The following KDM2B variants were observed in gnomAD, a reference collection of about 807,000 sequenced individuals.
KDM2B encodes lysine demethylase 2B.
Under a neutral mutation model 150.0 loss-of-function variants are expected in KDM2B, and 26 were observed. The ratio of observed to expected loss-of-function variants is 0.17; its 90% CI spans 0.13 to 0.24. The LOEUF (loss-of-function observed/expected upper bound fraction) is 0.24, where lower values mean the gene tolerates loss of function less well. Among genes scored for constraint, KDM2B ranks in the 10% least tolerant of loss-of-function variants. The probability of loss-of-function intolerance (pLI) is 1.00; values close to 1 mark genes in which losing one functional copy is unlikely to be tolerated. For synonymous variants in KDM2B, 734 were observed against 729.5 expected (o/e 1.01, Z -0.10); for missense variants, 1,265 against 1,816.9 (o/e 0.70, Z 5.52).
At chr12:121,574,295 A>G in intron 4 of KDM2B, 1 of 414,544 alleles carries the variant, frequency 2.4e-6, no homozygotes, top group Non-Finnish European at 4.4e-6. Flanking sequence ...GCTGACACCC[A>G]GGCTGGAGGC....
rs199851186 is a variant in KDM2B at position 121,483,162 on chromosome 12, C to CA, written c.1734+11416dup. On this transcript the variant is annotated intron_variant, in intron 12 of 22. Transcript: ENST00000377071. The stretch of plus-strand genomic sequence containing the variant: ...TGGGCAACAGAGCAAGACCCCATCT[C>CA]AAAAAAAAAATAGTAAAACATTATT... Among the ~76,000 whole-genome samples the CA allele has an allele frequency of 3.2e-3, 476 of 148,018 alleles. 2 individuals carry two copies. Among genetic ancestry groups the CA allele is most frequent in the African/African-American group, 8.6e-3 (346 of 40,386 alleles).
chr12:121,579,955 A>G, intron 1 of KDM2B: 1 of 1,488,180 alleles, frequency 6.7e-7, no homozygotes, highest in South Asian at 1.3e-5. Flanking sequence ...AAAAAAAAAA[A>G]AAAAAGATCT....
intron 12 of KDM2B, among the ~76,000 whole-genome samples, chr12:121,462,452 A>G (rs1879240651): frequency 1.3e-5 from 2 of 152,208 alleles, no homozygotes; most frequent in African/African-American, 4.8e-5. Context: ...AAACTTTTGC[A>G]TACATTTTCA....
At chr12:121,409,354 A>G in the KDM2B span, 1 of 152,214 alleles carries the variant, frequency 6.6e-6, no homozygotes, top group Non-Finnish European at 1.5e-5. Context: ...ATCCCACAAC[A>G]GAAAAACATG....
rs1437770160 is a variant in KDM2B, at chr12:121,467,510, G to T, written c.1735-14166C>A. On this transcript the variant is annotated intron_variant, in intron 12 of 22. Transcript: ENST00000377071. This position sits in a 1 kb window ranked among gnomAD's most constrained non-coding sequence, Gnocchi z 5.1. ...CCGCGGCGCTGGGGCCGCACACAAA[G>T]GGAGCCCGGCCTGCGGTGACACGGG... The T allele has an allele frequency of 4.5e-6, 1 of 222,168 alleles. No individual in the cohort carries two copies. 13.8% of individuals were successfully genotyped at this position (222,168 alleles called of 1,614,324 possible).
intron 12 of KDM2B, among the ~76,000 whole-genome samples, chr12:121,486,776 G>C (rs1242277424): frequency 1.3e-5 from 2 of 151,838 alleles, no homozygotes; most frequent in Admixed American, 1.3e-4. Flanking sequence ...GACACAGTGA[G>C]AATCTGTCTC....
At chr12:121,579,569 G>T in intron 1 of KDM2B, 3 of 1,294,354 alleles carry the variant, frequency 2.3e-6, no homozygotes, top group Non-Finnish European at 3.0e-6. Flanking sequence ...GGGAGAGGCA[G>T]ACGGCCCGCC....
chr12:121,550,062 C>T (rs1594106069), intron 4 of KDM2B, among the ~76,000 whole-genome samples: 1 of 152,080 alleles, frequency 6.6e-6, no homozygotes, highest in African/African-American at 2.4e-5. Context: ...GTAATCCCAG[C>T]ACTTTGGGAG....
rs377128827 is a variant in KDM2B, at chr12:121,442,463, C to G, written c.2978G>C (p.Arg993Pro). Residue 993 changes from arginine to proline, a missense_variant, in exon 19 of 23, where the codon CGT becomes CCT. This residue lies in a region of KDM2B where 418 missense variants were observed against 402.4 expected (regional missense o/e 1.04). Coordinates refer to ENST00000377071, the MANE Select transcript of KDM2B (RefSeq NM_032590.5). The surrounding 1 kb of genome is among the most constrained non-coding windows in gnomAD (Gnocchi z 7.7). ...EPKRPPGICERPHRFSKGLNG... is the reference protein window; with the variant it reads ...EPKRPPGICEPPHRFSKGLNG... ...GAGCCCCTTGCTGAAGCGGTGGGGACGCTCGCAGATGCCCGGGGGCCGCTT... is the reference window on the plus strand; with the variant it reads ...GAGCCCCTTGCTGAAGCGGTGGGGAGGCTCGCAGATGCCCGGGGGCCGCTT... 6.3e-7 allele frequency: 1 copy of G among 1,599,698 alleles called. No homozygotes were observed. Among genetic ancestry groups the G allele is most frequent in the Non-Finnish European group, 8.5e-7 (1 of 1,179,702 alleles).
At position 121,520,046 on chromosome 12, in the gene KDM2B, C is replaced by T. The variant is rs775732857; in HGVS notation, c.1047+939G>A. 1.3e-5 allele frequency among the ~76,000 whole-genome samples: 2 copies of T among 152,152 alleles called. No individual in the cohort carries two copies. Among genetic ancestry groups the T allele is most frequent in the East Asian group, 1.9e-4 (1 of 5,192 alleles). On this transcript the variant is annotated intron_variant, in intron 9 of 22. Coordinates refer to ENST00000377071, the MANE Select transcript of KDM2B (RefSeq NM_032590.5). The surrounding 1 kb of genome is among the most constrained non-coding windows in gnomAD (Gnocchi z 4.5). ...TAGCTGGGACTACAGGCGTACACCA[C>T]CACGCCCAGCTTTTTTGTATTTTTG...
intron 12 of KDM2B, among the ~76,000 whole-genome samples, chr12:121,464,083 A>G (rs1555294286): frequency 2.0e-5 from 3 of 152,156 alleles, no homozygotes; most frequent in Non-Finnish European, 2.9e-5. Flanking sequence ...TAAAAAAATT[A>G]GTAGCTGAGT....
chr12:121,440,916 G>A lies in KDM2B; in HGVS notation c.3510C>T (p.Ser1170=). 4.3e-6 allele frequency: 7 copies of A among 1,614,112 alleles called. No homozygotes were observed. The highest frequency in any genetic ancestry group is 5.9e-6 in the Non-Finnish European group (7 of 1,180,018). Residue 1170 remains serine, a synonymous_variant, in exon 21 of 23, where the codon TCC becomes TCT. Transcript: ENST00000377071. ...SWIAVSALCS[S]SCPLLRTLDV... ...CCAGGGTCCGGAGCAGCGGACAACT[G>A]GAGCTGCAAAGGGCCGAGACCGCGA...
At chr12:121,574,696 C>T (rs1891384907) in intron 3 of KDM2B, 103 bp from the exon 4 acceptor site, 1 of 1,060,528 alleles carries the variant, frequency 9.4e-7, no homozygotes. Flanking sequence ...AGATCCTTTC[C>T]CCTCAGTTTG....
At chr12:121,431,878 T>TC (rs1322264071) in intron 22 of KDM2B, among the ~76,000 whole-genome samples, 1 of 118,846 alleles carries the variant, frequency 8.4e-6, no homozygotes, top group Non-Finnish European at 1.7e-5. Context: ...TTTTCTTTTT[T>TC]CTTTTTTTTT....
At chr12:121,524,259 G>A (rs1326659821) in intron 8 of KDM2B, among the ~76,000 whole-genome samples, 1 of 152,136 alleles carries the variant, frequency 6.6e-6, no homozygotes, top group Non-Finnish European at 1.5e-5. Flanking sequence ...ATAAGCAATT[G>A]GCATTGGTAT....
chr12:121,511,241 G>A (rs1555303949), intron 10 of KDM2B, among the ~76,000 whole-genome samples: 2 of 148,226 alleles, frequency 1.3e-5, no homozygotes. Context: ...AACTCCTAAC[G>A]TCAGGGATCC....
intron 8 of KDM2B, among the ~76,000 whole-genome samples, chr12:121,524,381 C>T (rs1463238678): frequency 6.6e-5 from 10 of 152,194 alleles, no homozygotes; most frequent in Admixed American, 1.3e-4. Context: ...CAGAGGCCAA[C>T]GCACCTGACT....
chr12:121,532,660 T>TCCCTCCAGCCCA lies in KDM2B; in HGVS notation c.931+134_931+145dup. 3 of 780,578 alleles carry TCCCTCCAGCCCA rather than the reference T, an allele frequency of 3.8e-6. No individual in the cohort carries two copies. In the East Asian group the frequency reaches 7.5e-5, roughly 19 times the overall value. 48.4% of individuals were successfully genotyped at this position (780,578 alleles called of 1,614,324 possible). The stretch of plus-strand genomic sequence containing the variant: ...TGTGAGGGGAAAACTGCACGGCTTT[T>TCCCTCCAGCCCA]CCCTCCAGCCCACGGCTGGCTCCCC... On this transcript the variant is annotated intron_variant, in intron 8 of 22. Coordinates refer to ENST00000377071, the MANE Select transcript of KDM2B (RefSeq NM_032590.5).
At chr12:121,550,925 C>T (rs1336478443) in intron 4 of KDM2B, among the ~76,000 whole-genome samples, 1 of 152,086 alleles carries the variant, frequency 6.6e-6, no homozygotes, top group Non-Finnish European at 1.5e-5. Context: ...TTCTCAGGTC[C>T]ATTTACAAAG....
Sources: allele counts gnomAD v4.1 joint callset (sites outside exome capture counted in the v4.1 genomes callset), GRCh38; gene constraint gnomAD v4.1.1; regional missense constraint gnomAD v4.1.1; non-coding constraint Gnocchi (gnomAD v3.1); transcripts MANE v1.5; gene names NCBI Gene and HGNC (gene_info 2026-07-23, HGNC 2026-07-21).